Variants in RTEL1 observed in about 807,000 individuals in gnomAD.
The protein encoded by RTEL1 is regulator of telomere length.
Under a neutral mutation model 162.2 loss-of-function variants are expected in RTEL1, and 86 were observed. That is an observed-to-expected ratio of 0.53 (90% CI 0.45 to 0.63). The LOEUF is 0.63. Ranked by LOEUF, RTEL1 falls within the 30% of genes least tolerant of loss-of-function variation. RTEL1 has a pLI of 0.00. For synonymous variants in RTEL1, 958 were observed against 717.9 expected (o/e 1.33, Z -5.35); for missense variants, 1,941 against 1,750.2 (o/e 1.11, Z -1.95).
intron 12 of RTEL1, among the ~76,000 whole-genome samples, chr20:63,678,675 G>GCA (rs773132194): frequency 9.3e-6 from 1 of 107,474 alleles, no homozygotes; most frequent in African/African-American, 3.8e-5. Flanking sequence ...CCACGGAACG[G>GCA]CACACACACC....
rs1192425489 is a variant in RTEL1, at chr20:63,666,066, G to A, written c.601G>A (p.Gly201Arg). The change falls in exon 7 of 35, where the codon GGA becomes AGA. Residue 201 changes from glycine to arginine, a missense_variant. Physicochemically the swap from Gly to Arg is moderately radical, Grantham distance 125 (BLOSUM62 -2). Coordinates refer to ENST00000360203, the MANE Select transcript of RTEL1 (RefSeq NM_001283009.2). ...ILDIEDLVKS[G>R]SKHRVCPYYL... is the part of the protein sequence containing the mutation. Reference sequence around the variant, plus strand: ...GGACATTGAGGACTTGGTCAAGAGCGGAAGCAAGCACAGGTGAGACCCCTC... The same window carrying A: ...GGACATTGAGGACTTGGTCAAGAGCAGAAGCAAGCACAGGTGAGACCCCTC... The A allele has an allele frequency of 1.9e-6, 3 of 1,614,104 alleles. No individual in the cohort carries two copies. Among genetic ancestry groups the A allele is most frequent in the Admixed American group, 1.7e-5 (1 of 60,010 alleles).
At chr20:63,674,220 C>T (rs1005425367) in intron 10 of RTEL1, 127 bp downstream of exon 10, 13 of 1,445,978 alleles carry the variant, frequency 9.0e-6, no homozygotes, top group African/African-American at 2.9e-5. Context: ...TCCTGAGGCC[C>T]GTGCTACTGC....
chr20:63,686,044 G>A lies in RTEL1; in HGVS notation c.1348+172G>A, dbSNP rs1468981115. ...TCTCCTCACTGTCCCTCTGAAGATT[G>A]GAGTTACTGAGAGACGTAGGAGATG... On this transcript the variant is annotated intron_variant, in intron 16 of 34. Transcript: ENST00000360203. The A allele has an allele frequency of 6.1e-6, 4 of 658,454 alleles. No individual in the cohort carries two copies. The Admixed American group carries it at 9.8e-5, about 16-fold the overall frequency. 40.8% of individuals were successfully genotyped at this position (658,454 alleles called of 1,614,324 possible).
At chr20:63,669,728 C>G (rs1184169749) in intron 8 of RTEL1, among the ~76,000 whole-genome samples, 3 of 90,566 alleles carry the variant, frequency 3.3e-5, no homozygotes, top group Admixed American at 1.2e-4. Context: ...GGCCAGTTAA[C>G]CACTGGGAGA....
At position 63,694,367 on chromosome 20, in the gene RTEL1, A is replaced by G. The variant is rs1282850958; in HGVS notation, c.2993-5A>G. On this transcript the variant is annotated splice_polypyrimidine_tract_variant and splice_region_variant and intron_variant, in intron 30 of 34. Transcript: ENST00000360203. ...CAGCTTTGTGGCTCTACATCTCTTC[A>G]TCAGGAAGAACGGCGCCGGATCCCA... 8 of 1,607,092 alleles carry G rather than the reference A, an allele frequency of 5.0e-6. No individual in the cohort carries two copies. Among genetic ancestry groups the G allele is most frequent in the Non-Finnish European group, 5.9e-6 (7 of 1,177,592 alleles).
intron 9 of RTEL1, among the ~76,000 whole-genome samples, chr20:63,673,388 G>A (rs906763498): frequency 6.6e-6 from 1 of 151,968 alleles, no homozygotes; most frequent in Non-Finnish European, 1.5e-5. Flanking sequence ...GCAAGACTCC[G>A]TCTCAAAAAA....
intron 9 of RTEL1, 107 bp from the exon 10 acceptor site, chr20:63,673,833 C>G: frequency 7.6e-7 from 1 of 1,321,018 alleles, no homozygotes; most frequent in Non-Finnish European, 1.0e-6. Context: ...GCTTTGGGAA[C>G]TTGGCTGTCA....
chr20:63,662,413 G>A, intron 4 of RTEL1, 133 bp from the exon 5 acceptor site: 1 of 1,548,234 alleles, frequency 6.5e-7, no homozygotes, highest in South Asian at 1.2e-5. Context: ...CTACGCCCGG[G>A]CCACGTTTCA....
intron 14 of RTEL1, 152 bp from the exon 15 acceptor site, chr20:63,685,371 C>T (rs2090569039): frequency 1.3e-6 from 1 of 756,898 alleles, no homozygotes; most frequent in Non-Finnish European, 2.1e-6. Context: ...CAGGTGCCAG[C>T]TCCTGTCCAT....
intron 8 of RTEL1, 123 bp downstream of exon 8, chr20:63,667,676 C>CA: frequency 1.3e-6 from 1 of 771,952 alleles, no homozygotes; most frequent in Non-Finnish European, 2.3e-6. Flanking sequence ...TGGGAGGACT[C>CA]ACCTCTGTCA....
intron 6 of RTEL1, 29 bp downstream of exon 6, chr20:63,662,918 G>C (rs768909786): frequency 5.0e-6 from 8 of 1,605,434 alleles, no homozygotes; most frequent in Non-Finnish European, 6.0e-6. Flanking sequence ...GACCAGGGTC[G>C]GGTTGGAGTG....
Position 63,695,309 on chromosome 20 carries a change from C to A in RTEL1, c.3500-19C>A, listed in dbSNP as rs1346508784. 1 of 1,575,732 alleles carries A rather than the reference C, an allele frequency of 6.3e-7. No individual in the cohort carries two copies. Among genetic ancestry groups the A allele is most frequent in the East Asian group, 2.2e-5 (1 of 44,448 alleles). ...AGCAAAGCCCCAGGCCCCCCTCAGA[C>A]TCAAGTCTCTGTCTCCAGGCCCCTC... On this transcript the variant is annotated intron_variant, in intron 33 of 34. Transcript: ENST00000360203.
chr20:63,695,297 G>GC (rs759834048), intron 33 of RTEL1, 31 bp from the exon 34 acceptor site: 9 of 1,584,148 alleles, frequency 5.7e-6, no homozygotes, highest in Non-Finnish European at 6.9e-6. Context: ...AAAGCCCCAG[G>GC]CCCCCCTCAG....
intron 6 of RTEL1, among the ~76,000 whole-genome samples, chr20:63,664,600 C>A (rs897941566): frequency 1.3e-5 from 2 of 152,234 alleles, no homozygotes; most frequent in Non-Finnish European, 2.9e-5. Flanking sequence ...CCCTGCCTGT[C>A]CCCCTTGGCT....
chr20:63,695,765 G>A lies in RTEL1; in HGVS notation c.3823-13G>A, dbSNP rs879061607. 8 of 1,588,500 alleles carry A rather than the reference G, an allele frequency of 5.0e-6. No homozygotes were observed. The highest frequency in any genetic ancestry group is 2.3e-5 in the East Asian group (1 of 43,714). ...GCCTGGCAGACGTGTGCAGTGGGCC[G>A]GTTGTCTCACAGGCCTCTAGGATGT... On this transcript the variant is annotated splice_polypyrimidine_tract_variant and intron_variant, in intron 34 of 34. Transcript: ENST00000360203.
intron 14 of RTEL1, among the ~76,000 whole-genome samples, chr20:63,684,349 C>G (rs747114321): frequency 4.6e-5 from 7 of 151,904 alleles, no homozygotes; most frequent in Non-Finnish European, 1.0e-4. Flanking sequence ...TGGCCTGAAC[C>G]AATTTCTTTT....
chr20:63,685,533 G>C lies in RTEL1; in HGVS notation c.1202G>C (p.Ser401Thr). The change falls in exon 15 of 35, where the codon AGT (serine) becomes ACT (threonine). Residue 401 changes from serine (S) to threonine (T), a missense_variant. Physicochemically the swap from Ser to Thr is moderately conservative, Grantham distance 58 (BLOSUM62 1). Transcript: ENST00000360203. ...TCCTCTGCCTTTCAGATTGTGTTCAGTGTGGACCCCTCCGAGGGCAGCCCT... is the reference window on the plus strand; with the variant it reads ...TCCTCTGCCTTTCAGATTGTGTTCACTGTGGACCCCTCCGAGGGCAGCCCT... ...KLADIIQIVF[S>T]VDPSEGSPGS... The C allele has an allele frequency of 6.2e-7, 1 of 1,612,628 alleles. No homozygotes were observed. The highest frequency in any genetic ancestry group is 1.1e-5 in the South Asian group (1 of 91,014).
In RTEL1 at chr20:63,668,462, G is replaced by A. The variant is rs182187802; in HGVS notation, c.699+909G>A. The stretch of plus-strand genomic sequence containing the variant: ...CAAAAGAGTAAGCACGTGAGCTGAT[G>A]ATACTGAAGGGAAATAGAGCAGAGG... On this transcript the variant is annotated intron_variant, in intron 8 of 34. Coordinates refer to ENST00000360203, the MANE Select transcript of RTEL1 (RefSeq NM_001283009.2). The surrounding 1 kb of genome is among the most constrained non-coding windows in gnomAD (Gnocchi z 4.3). Among the ~76,000 whole-genome samples, 66 of 152,268 alleles carry A rather than the reference G, an allele frequency of 4.3e-4. No homozygotes were observed. The highest frequency in any genetic ancestry group is 8.3e-4 in the South Asian group (4 of 4,826).
chr20:63,692,563 C>G (rs1601180605), intron 28 of RTEL1: 2 of 576,262 alleles, frequency 3.5e-6, no homozygotes, highest in Non-Finnish European at 6.2e-6. Context: ...TACCCTTTGC[C>G]CATTCACTGC....
Sources: allele counts gnomAD v4.1 joint callset (sites outside exome capture counted in the v4.1 genomes callset), GRCh38; gene constraint gnomAD v4.1.1; non-coding constraint Gnocchi (gnomAD v3.1); transcripts MANE v1.5; gene names NCBI Gene and HGNC (gene_info 2026-07-23, HGNC 2026-07-21).